Variants in GPRIN3 observed in about 807,000 individuals in gnomAD.
The protein encoded by GPRIN3 is GPRIN family member 3.
In GPRIN3, 12 loss-of-function variants were observed where a neutral mutation model predicts 13.7. The ratio of observed to expected loss-of-function variants is 0.87; its 90% CI spans 0.56 to 1.42. The LOEUF (loss-of-function observed/expected upper bound fraction) is 1.42. Among genes scored for constraint, GPRIN3 ranks in the 40% most tolerant of loss-of-function variants. GPRIN3 has a pLI of 0.00. For missense variants in GPRIN3, 1,009 were observed against 958.7 expected (o/e 1.05, Z -0.69); for synonymous variants, 377 against 372.7 (o/e 1.01, Z -0.13).
intron 1 of GPRIN3, among the ~76,000 whole-genome samples, chr4:89,302,945 C>A (rs1384612769): frequency 1.3e-5 from 2 of 151,298 alleles, no homozygotes; most frequent in Non-Finnish European, 2.9e-5. Flanking sequence ...CTTAACTGGC[C>A]CTGGTCTTCT....
At chr4:89,295,046 C>T (rs553168231) in intron 1 of GPRIN3, among the ~76,000 whole-genome samples, 20 of 152,254 alleles carry the variant, frequency 1.3e-4, no homozygotes, top group African/African-American at 4.8e-4. Context: ...TGTTAAAATT[C>T]CTCATATGAC....
intron 1 of GPRIN3, among the ~76,000 whole-genome samples, chr4:89,305,125 T>C (rs1012457435): frequency 6.6e-6 from 1 of 152,218 alleles, no homozygotes; most frequent in African/African-American, 2.4e-5. Flanking sequence ...AGGTGGATCC[T>C]GCTGCCCTCT....
chr4:89,250,043 T>C lies in GPRIN3; in HGVS notation c.68A>G (p.Asp23Gly). The C allele has an allele frequency of 6.2e-7, 1 of 1,614,166 alleles. No homozygotes were observed. Among genetic ancestry groups the C allele is most frequent in the Non-Finnish European group, 8.5e-7 (1 of 1,179,990 alleles). Residue 23 changes from aspartate (D) to glycine (G), a missense_variant, in exon 2 of 2, where the codon GAC becomes GGC. By Grantham distance (94) the Asp-to-Gly change is moderately conservative (BLOSUM62 -1). Transcript: ENST00000609438. ...TSLIAASGKE[D>G]DLGEPQAASP... Reference sequence around the variant, plus strand: ...GGCAGCCTGTGGCTCTCCTAGATCGTCTTCTTTTCCGGAAGCTGCAATCAG... The same window carrying C: ...GGCAGCCTGTGGCTCTCCTAGATCGCCTTCTTTTCCGGAAGCTGCAATCAG...
At position 89,238,020 on chromosome 4, in the gene GPRIN3, G is replaced by A. The variant is rs1467212174; in HGVS notation, c.*9760C>T. 1 of 152,148 alleles carries A rather than the reference G, an allele frequency of 6.6e-6. No homozygotes were observed. The highest frequency in any genetic ancestry group is 6.5e-5 in the Admixed American group (1 of 15,276). The allele number at this position is 152,148 out of a possible 1,614,324, so 9.4% of individuals were successfully genotyped here. On this transcript the variant is annotated 3_prime_UTR_variant, in exon 2 of 2. Transcript: ENST00000609438. ...GGCATTTATATCTTTGGAAATGCAT[G>A]AGGTTTTAATTTGACCAAGAATAAA...
At chr4:89,295,259 A>G (rs747565628) in intron 1 of GPRIN3, among the ~76,000 whole-genome samples, 34 of 152,216 alleles carry the variant, frequency 2.2e-4, no homozygotes, top group Non-Finnish European at 3.5e-4. Flanking sequence ...TTGTAACGTG[A>G]GCCTTGATAA....
intron 1 of GPRIN3, among the ~76,000 whole-genome samples, chr4:89,301,908 A>G (rs777736296): frequency 2.0e-5 from 3 of 152,120 alleles, no homozygotes; most frequent in Admixed American, 2.0e-4. Flanking sequence ...AGCCTCCAGA[A>G]TTTTTTTAAG....
At chr4:89,257,128 C>A (rs993949732) in intron 1 of GPRIN3, among the ~76,000 whole-genome samples, 9 of 152,158 alleles carry the variant, frequency 5.9e-5, no homozygotes, top group African/African-American at 2.2e-4. Context: ...TAAAGCAAGT[C>A]AAAATGGCTG....
intron 1 of GPRIN3, among the ~76,000 whole-genome samples, chr4:89,252,290 A>G (rs868748117): frequency 5.3e-5 from 8 of 152,158 alleles, no homozygotes; most frequent in African/African-American, 1.9e-4. Context: ...ATTTTTTTAG[A>G]AAGAATAACT....
intron 1 of GPRIN3, among the ~76,000 whole-genome samples, chr4:89,260,084 G>A (rs1723583603): frequency 6.6e-6 from 1 of 152,216 alleles, no homozygotes; most frequent in Admixed American, 6.5e-5. Context: ...TGGGATTACA[G>A]GCGTGAGCCA....
chr4:89,288,714 T>C (rs1408532585), intron 1 of GPRIN3, among the ~76,000 whole-genome samples: 3 of 152,184 alleles, frequency 2.0e-5, no homozygotes, highest in African/African-American at 7.2e-5. Context: ...GAGATATTAT[T>C]ATGCAGCAAA....
Position 89,273,687 on chromosome 4 carries a change from A to G in GPRIN3, c.-123-23454T>C, listed in dbSNP as rs144680355. Reference sequence around the variant, plus strand: ...GGTGACAGAGTGAGACTCCGTCTCAAAAAACAAACAGACAAACAAACAAAC... The same window carrying G: ...GGTGACAGAGTGAGACTCCGTCTCAGAAAACAAACAGACAAACAAACAAAC... On this transcript the variant is annotated intron_variant, in intron 1 of 1. Transcript: ENST00000609438. 4.2e-4 allele frequency among the ~76,000 whole-genome samples: 64 copies of G among 152,344 alleles called. No homozygotes were observed. In the East Asian group the frequency reaches 0.012, roughly 28 times the overall value.
chr4:89,281,596 C>T (rs539674130), intron 1 of GPRIN3, among the ~76,000 whole-genome samples: 20 of 152,230 alleles, frequency 1.3e-4, no homozygotes, highest in South Asian at 2.1e-4. Context: ...GAGATTTAGG[C>T]GGGGACACAG....
At chr4:89,291,760 G>A (rs915717251) in intron 1 of GPRIN3, among the ~76,000 whole-genome samples, 5 of 149,358 alleles carry the variant, frequency 3.3e-5, no homozygotes, top group Non-Finnish European at 5.9e-5. Context: ...ACTATATTTT[G>A]TATTCTCACT....
intron 1 of GPRIN3, among the ~76,000 whole-genome samples, chr4:89,291,994 G>A (rs1431547): frequency 6.6e-6 from 1 of 152,004 alleles, no homozygotes; most frequent in African/African-American, 2.4e-5. Context: ...TCTCCCACTA[G>A]ACTAAAGGTT....
At chr4:89,277,998 C>T (rs1724139875) in intron 1 of GPRIN3, among the ~76,000 whole-genome samples, 1 of 152,170 alleles carries the variant, frequency 6.6e-6, no homozygotes, top group African/African-American at 2.4e-5. Flanking sequence ...CCCAATCCCA[C>T]AGCTTTATAA....
intron 1 of GPRIN3, among the ~76,000 whole-genome samples, chr4:89,294,192 A>C (rs559374464): frequency 6.6e-6 from 1 of 152,292 alleles, no homozygotes; most frequent in South Asian, 2.1e-4. Flanking sequence ...GCTTCTTCGA[A>C]ATTTGTTTTA....
intron 1 of GPRIN3, among the ~76,000 whole-genome samples, chr4:89,293,294 A>G (rs948573015): frequency 2.6e-5 from 4 of 152,238 alleles, no homozygotes; most frequent in African/African-American, 4.8e-5. Flanking sequence ...CCACTGTCTT[A>G]GATCTGATGG....
intron 1 of GPRIN3, among the ~76,000 whole-genome samples, chr4:89,275,951 A>C (rs773300768): frequency 6.6e-6 from 1 of 152,212 alleles, no homozygotes; most frequent in Non-Finnish European, 1.5e-5. Flanking sequence ...AATAATGCCT[A>C]CAATTAACCT....
intron 1 of GPRIN3, among the ~76,000 whole-genome samples, chr4:89,265,767 C>T (rs1463736681): frequency 6.6e-6 from 1 of 152,146 alleles, no homozygotes; most frequent in Non-Finnish European, 1.5e-5. Context: ...TCTTCCCTTG[C>T]TCCTCCTTTT....
Sources: allele counts gnomAD v4.1 joint callset (sites outside exome capture counted in the v4.1 genomes callset), GRCh38; gene constraint gnomAD v4.1.1; transcripts MANE v1.5; gene names NCBI Gene and HGNC (gene_info 2026-07-23, HGNC 2026-07-21).